Variants in SLC9A6 observed in about 807,000 individuals in gnomAD.
SLC9A6 encodes the protein solute carrier family 9 member A6, also known as sodium/hydrogen exchanger 6.
A neutral mutation model predicts 45.3 loss-of-function variants in SLC9A6; 6 were observed. That is an observed-to-expected ratio of 0.13 (90% confidence interval 0.07 to 0.26). SLC9A6 has a LOEUF of 0.26. Ranked by LOEUF, SLC9A6 falls within the 10% of genes least tolerant of loss-of-function variation. The pLI is 1.00. For missense variants in SLC9A6, 278 were observed against 503.7 expected, an observed-to-expected ratio of 0.55 and a Z score of 4.29; for synonymous variants, 191 against 187.7, an observed-to-expected ratio of 1.02 and a Z score of -0.14.
At chrX:136,012,429 C>T (rs2070941350) in intron 8 of SLC9A6, among the ~76,000 whole-genome samples, 1 of 112,830 alleles carries the variant, frequency 8.9e-6, no homozygotes, top group African/African-American at 3.2e-5. Context: ...ACAGGCCCTT[C>T]CACTGTCAGC....
intron 13 of SLC9A6, among the ~76,000 whole-genome samples, chrX:136,028,435 G>A (rs1376058131): frequency 8.9e-6 from 1 of 112,062 alleles, no homozygotes; most frequent in Non-Finnish European, 1.9e-5. Context: ...GAGGGCAGGG[G>A]CCATGTTTAA....
At chrX:136,004,410 G>C (rs1270168509) in intron 7 of SLC9A6, among the ~76,000 whole-genome samples, 1 of 110,998 alleles carries the variant, frequency 9.0e-6, no homozygotes, top group African/African-American at 3.3e-5. Context: ...ACTCTTATTA[G>C]GCAAATATCT....
At chrX:135,997,055 C>T (rs782808756) in intron 3 of SLC9A6, among the ~76,000 whole-genome samples, 5 of 105,228 alleles carry the variant, frequency 4.8e-5, no homozygotes, top group East Asian at 3.1e-4. Context: ...CTTGAGCCAC[C>T]ACGCCTGGCC....
intron 2 of SLC9A6, among the ~76,000 whole-genome samples, chrX:135,986,195 G>A (rs2089337396): frequency 9.1e-6 from 1 of 110,241 alleles, no homozygotes; most frequent in Non-Finnish European, 1.9e-5. Context: ...AGACACCATT[G>A]CGATCCATTT....
chrX:136,039,863 T>C (rs1366309583), intron 16 of SLC9A6, among the ~76,000 whole-genome samples: 9 of 112,037 alleles, frequency 8.0e-5, no homozygotes, highest in Admixed American at 6.6e-4. Context: ...TTGACCTCTC[T>C]GAGCCTCAGT....
intron 16 of SLC9A6, among the ~76,000 whole-genome samples, chrX:136,035,229 A>C (rs1212519332): frequency 1.8e-5 from 2 of 111,802 alleles, no homozygotes; most frequent in African/African-American, 6.5e-5. Context: ...CTATAACTTG[A>C]ATACAATAAA....
rs1366295887 is a variant in SLC9A6 at position 136,011,326 on chromosome X, G to A, written c.885+743G>A. Among the ~76,000 whole-genome samples the A allele has an allele frequency of 4.5e-5, 5 of 111,857 alleles. No homozygotes were observed. In the East Asian group the frequency reaches 1.1e-3, roughly 25 times the overall value. On this transcript the variant is annotated intron_variant, in intron 8 of 17. Coordinates refer to ENST00000630721, the MANE Select transcript of SLC9A6 (RefSeq NM_001379110.1). ...ACGATCTCGGCTCACTGCAACCTCC[G>A]CCTCCCGAGTTCAAGCGATTCCCCC... is the stretch of plus-strand genomic sequence containing the variant.
At chrX:135,983,698 C>CG, upstream of SLC9A6, 1 of 92,271 alleles carries the variant, frequency 1.1e-5, no homozygotes, top group Non-Finnish European at 2.1e-5. Context: ...TCTGTGGCTT[C>CG]GGGTTTTTTT....
chrX:135,985,966 C>G (rs2148130394), intron 2 of SLC9A6, 139 bp downstream of exon 2: 5 of 741,818 alleles, frequency 6.7e-6, no homozygotes, highest in East Asian at 3.4e-5. Flanking sequence ...TCGCCTTCCC[C>G]CTACCCCGCG....
intron 7 of SLC9A6, among the ~76,000 whole-genome samples, chrX:136,005,612 C>T (rs890153246): frequency 9.5e-6 from 1 of 104,994 alleles, no homozygotes; most frequent in Non-Finnish European, 1.9e-5. Flanking sequence ...ACCCAGGAGG[C>T]GGAAGTTGCG....
At chrX:136,002,617 A>G (rs2089598974) in intron 7 of SLC9A6, among the ~76,000 whole-genome samples, 1 of 108,997 alleles carries the variant, frequency 9.2e-6, no homozygotes, top group African/African-American at 3.4e-5. Context: ...GCTGGAGTGC[A>G]GTGGCGTGAT....
intron 2 of SLC9A6, 60 bp downstream of exon 2, chrX:135,985,887 C>T: frequency 8.6e-7 from 1 of 1,164,619 alleles, no homozygotes; most frequent in Middle Eastern, 2.4e-4. Context: ...CCGCCGGCTG[C>T]TTCGCCTCCT....
intron 12 of SLC9A6, among the ~76,000 whole-genome samples, 176 bp downstream of exon 12, chrX:136,022,873 G>A (rs1485074084): frequency 1.8e-5 from 2 of 109,373 alleles, no homozygotes; most frequent in African/African-American, 6.7e-5. Context: ...GCAGTGGCAC[G>A]ATCTTGGCTC....
At chrX:136,002,910 T>C (rs1018095021) in intron 7 of SLC9A6, among the ~76,000 whole-genome samples, 2 of 111,328 alleles carry the variant, frequency 1.8e-5, no homozygotes, top group Admixed American at 9.6e-5. Context: ...ATTAAAGTCA[T>C]GTAAAAAGTT....
At chrX:136,037,355 C>T (rs1308969598) in intron 16 of SLC9A6, among the ~76,000 whole-genome samples, 1 of 112,045 alleles carries the variant, frequency 8.9e-6, no homozygotes, top group African/African-American at 3.2e-5. Flanking sequence ...TTGAGACTTC[C>T]ATATCATAAA....
intron 2 of SLC9A6, 101 bp from the exon 3 acceptor site, chrX:135,994,685 G>A: frequency 1.3e-6 from 1 of 757,422 alleles, no homozygotes; most frequent in Non-Finnish European, 2.1e-6. Flanking sequence ...TGAGCTACAG[G>A]GAACTACCGT....
intron 16 of SLC9A6, among the ~76,000 whole-genome samples, chrX:136,034,700 C>G (rs2071384962): frequency 9.0e-6 from 1 of 111,709 alleles, no homozygotes; most frequent in African/African-American, 3.3e-5. Flanking sequence ...TACTACTTAC[C>G]ATGTTCTGTT....
chrX:135,986,056 C>T (rs1046661386), intron 2 of SLC9A6, among the ~76,000 whole-genome samples: 3 of 109,540 alleles, frequency 2.7e-5, no homozygotes, highest in African/African-American at 1.0e-4. Context: ...GCTTCCGACC[C>T]CACCCCCTTT....
intron 6 of SLC9A6, among the ~76,000 whole-genome samples, chrX:136,001,773 A>G (rs184855480): frequency 8.9e-6 from 1 of 112,226 alleles, no homozygotes; most frequent in Non-Finnish European, 1.9e-5. Flanking sequence ...TAATGACTAC[A>G]TGGTCTATAA....
Sources: gnomAD v4.1 joint callset for allele counts (sites outside exome capture counted in the v4.1 genomes callset) on GRCh38, gnomAD v4.1.1 for gene constraint, MANE v1.5 for transcripts, NCBI Gene and HGNC (gene_info 2026-07-23, HGNC 2026-07-21) for gene names.